TACC3: variants seen among roughly 807,000 people sequenced by gnomAD.
TACC3 encodes the protein transforming acidic coiled-coil-containing protein 3.
A neutral mutation model predicts 86.0 loss-of-function variants in TACC3; 52 were observed. The observed-to-expected ratio is 0.60, with a 90% confidence interval of 0.48 to 0.76. The LOEUF (loss-of-function observed/expected upper bound fraction) is 0.76, where lower values mean the gene tolerates loss of function less well. TACC3 is among the 30% of genes least tolerant of loss of function. The pLI, the probability that TACC3 is intolerant of heterozygous loss-of-function variation, is 0.00. For missense variants in TACC3, 1,120 were observed against 1,070.4 expected, an observed-to-expected ratio of 1.05 and a Z score of -0.65; for synonymous variants, 512 against 430.0, an observed-to-expected ratio of 1.19 and a Z score of -2.36.
intron 1 of TACC3, 99 bp from the exon 2 acceptor site, chr4:1,723,322 G>A: frequency 8.0e-7 from 1 of 1,244,082 alleles, no homozygotes; most frequent in Non-Finnish European, 1.1e-6. Context: ...ACACCTGTGT[G>A]GGAAGTGGTC....
rs1329716251 is a variant in TACC3 at position 1,735,014 on chromosome 4, C to T, written c.1592-259C>T. 6.6e-6 allele frequency among the ~76,000 whole-genome samples: 1 copy of T among 152,258 alleles called. No individual in the cohort carries two copies. The highest frequency in any genetic ancestry group is 2.4e-5 in the African/African-American group (1 of 41,476). The stretch of plus-strand genomic sequence containing the variant: ...GAGCAGTTTTGCCCCCGCCTTTCCC[C>T]AGATGTTTGTGGTTGTCACACCTGG... On this transcript the variant is annotated intron_variant, in intron 6 of 15. Transcript: ENST00000313288. This position sits in a 1 kb window ranked among gnomAD's most constrained non-coding sequence, Gnocchi z 4.2.
Position 1,740,853 on chromosome 4 carries a change from C to T in TACC3, c.2090C>T (p.Ser697Phe), listed in dbSNP as rs200631137. The change falls in exon 13 of 16, where the codon TCC (serine) becomes TTC (phenylalanine). Residue 697 changes from serine (S) to phenylalanine (F), a missense_variant. Ser to Phe is a radical substitution (Grantham distance 155). Transcript: ENST00000313288. Reference sequence around the variant, plus strand: ...GAAGTTCAGAAGCAGAAGGAACTTTCCAAAGCTGAAATCCAGAAAGTTCTA... The same window carrying T: ...GAAGTTCAGAAGCAGAAGGAACTTTTCAAAGCTGAAATCCAGAAAGTTCTA... ...MEEVQKQKEL[S>F]KAEIQKVLKE... is the part of the protein sequence containing the mutation. 59 of 1,610,794 alleles carry T rather than the reference C, an allele frequency of 3.7e-5. No individual in the cohort carries two copies. The highest frequency in any genetic ancestry group is 4.8e-5 in the Non-Finnish European group (57 of 1,179,292).
chr4:1,739,728 G>A lies in TACC3; in HGVS notation c.1968G>A (p.Arg656=). The part of the protein sequence containing the change: ...AVVKATQEEN[R]ELRSRCEELH... ...TAAAGGCGACACAGGAGGAGAACCG[G>A]GAGCTGAGGAGCAGGTGTGAGGAGC... Residue 656 remains arginine (R), a synonymous_variant, in exon 11 of 16, where the codon CGG becomes CGA. Coordinates refer to ENST00000313288, the MANE Select transcript of TACC3 (RefSeq NM_006342.3). 6.3e-7 allele frequency: 1 copy of A among 1,587,334 alleles called. No individual in the cohort carries two copies. Among genetic ancestry groups the A allele is most frequent in the Non-Finnish European group, 8.6e-7 (1 of 1,167,988 alleles).
In TACC3 at chr4:1,739,732, C is replaced by T. The variant is rs1334206545; in HGVS notation, c.1972C>T (p.Leu658=). The change falls in exon 11 of 16, where the codon CTG becomes TTG. Residue 658 remains leucine, a synonymous_variant. Coordinates refer to ENST00000313288, the MANE Select transcript of TACC3 (RefSeq NM_006342.3). ...GGCGACACAGGAGGAGAACCGGGAG[C>T]TGAGGAGCAGGTGTGAGGAGCTCCA... The part of the protein sequence containing the change: ...VKATQEENRE[L]RSRCEELHGK... The T allele has an allele frequency of 2.5e-6, 4 of 1,588,468 alleles. No homozygotes were observed. The highest frequency in any genetic ancestry group is 3.4e-6 in the Non-Finnish European group (4 of 1,168,552).
chr4:1,726,818 C>G, intron 3 of TACC3, among the ~76,000 whole-genome samples: 1 of 151,972 alleles, frequency 6.6e-6, no homozygotes, highest in Admixed American at 6.6e-5. Flanking sequence ...GGCAGGTGCT[C>G]GAATGGATTT....
chr4:1,722,207 A>G (rs1219314656), intron 1 of TACC3, among the ~76,000 whole-genome samples: 1 of 152,032 alleles, frequency 6.6e-6, no homozygotes, highest in Non-Finnish European at 1.5e-5. Flanking sequence ...CCGGGCCTCC[A>G]TAGTCAGTAA....
At chr4:1,732,910 A>G (rs1239559561) in intron 6 of TACC3, among the ~76,000 whole-genome samples, 1 of 152,132 alleles carries the variant, frequency 6.6e-6, no homozygotes, top group Non-Finnish European at 1.5e-5. Context: ...GTTCAGGTGT[A>G]AGTTCTATGT....
At chr4:1,737,015 C>T (rs943668940) in intron 8 of TACC3, among the ~76,000 whole-genome samples, 1 of 152,140 alleles carries the variant, frequency 6.6e-6, no homozygotes. Flanking sequence ...CGTGCTCTCC[C>T]GGAAGGACAA....
At chr4:1,731,060 GA>G in intron 5 of TACC3, 98 bp downstream of exon 5, 2 of 1,595,608 alleles carry the variant, frequency 1.3e-6, no homozygotes, top group East Asian at 4.5e-5. Context: ...GACGGGGTGG[GA>G]TGTCCCGCTC....
intron 6 of TACC3, among the ~76,000 whole-genome samples, chr4:1,731,668 C>T (rs1718015575): frequency 1.3e-5 from 2 of 152,048 alleles, no homozygotes; most frequent in Admixed American, 6.6e-5. Context: ...GATAGTCTCG[C>T]TCTGTCACCC....
rs151225636 is a variant in TACC3 at position 1,737,272 on chromosome 4, C to T, written c.1780C>T (p.Arg594Cys). 3.8e-4 allele frequency: 614 copies of T among 1,614,124 alleles called. 7 individuals carry two copies. In the East Asian group the frequency reaches 0.012, roughly 32 times the overall value. The change falls in exon 9 of 16, where the codon CGT (arginine) becomes TGT (cysteine). Residue 594 changes from arginine to cysteine, a missense_variant. Transcript: ENST00000313288. ...MHGANETPSG[R>C]PREAKLVEFD... ...CGGTGCAAATGAGACTCCCTCAGGA[C>T]GTCCGCGGGAAGCCAAGCTTGTGGA...
upstream of TACC3, chr4:1,721,316 C>G (rs1455560638): frequency 6.9e-6 from 1 of 145,674 alleles, no homozygotes; most frequent in African/African-American, 2.5e-5. Flanking sequence ...GGGGTCTCAG[C>G]TTCAGACACC....
At chr4:1,744,463 G>C in intron 13 of TACC3, 55 bp from the exon 14 acceptor site, 1 of 1,532,914 alleles carries the variant, frequency 6.5e-7, no homozygotes, top group Non-Finnish European at 9.0e-7. Context: ...CACCAAGCCT[G>C]GGTGCTCTCC....
At chr4:1,738,779 A>G (rs1028844771) in intron 10 of TACC3, among the ~76,000 whole-genome samples, 6 of 152,268 alleles carry the variant, frequency 3.9e-5, no homozygotes, top group East Asian at 3.9e-4. Flanking sequence ...CCAATTGGCT[A>G]TTTTAAAGAG....
At position 1,723,883 on chromosome 4, in the gene TACC3, G is replaced by A; in HGVS notation, c.305+13G>A. The A allele has an allele frequency of 1.2e-6, 2 of 1,612,510 alleles. No individual in the cohort carries two copies. The highest frequency in any genetic ancestry group is 1.1e-5 in the South Asian group (1 of 91,042). ...CACAGAAAGAGAAGTAAGTGTTGGT[G>A]CTGCTGGACATGCTGGAGCTTCACC... is the stretch of plus-strand genomic sequence containing the variant. On this transcript the variant is annotated intron_variant, in intron 3 of 15. Transcript: ENST00000313288.
upstream of TACC3, chr4:1,720,701 G>T (rs1164909301): frequency 3.2e-6 from 5 of 1,555,304 alleles, no homozygotes; most frequent in Non-Finnish European, 3.5e-6. The surrounding 1 kb of genome is among the most constrained non-coding windows in gnomAD (Gnocchi z 4.4). Flanking sequence ...CACGAAGGCG[G>T]CGTCCTCGCT....
intron 6 of TACC3, among the ~76,000 whole-genome samples, chr4:1,733,720 G>A (rs958937043): frequency 6.6e-6 from 1 of 152,188 alleles, no homozygotes; most frequent in African/African-American, 2.4e-5. Flanking sequence ...GCTCACGCCC[G>A]TAATCCTAGC....
At chr4:1,739,577 A>G (rs528241847) in intron 10 of TACC3, 125 bp from the exon 11 acceptor site, 1 of 880,296 alleles carries the variant, frequency 1.1e-6, no homozygotes, top group Non-Finnish European at 1.8e-6. Context: ...GAAGCCCCAC[A>G]TGGAACTGTG....
intron 3 of TACC3, among the ~76,000 whole-genome samples, chr4:1,724,307 G>A (rs572558986): frequency 3.6e-4 from 54 of 151,390 alleles, no homozygotes; most frequent in African/African-American, 1.2e-3. Context: ...TCTGCACTGA[G>A]TGTATGCAGC....
Sources: gnomAD v4.1 joint callset for allele counts (sites outside exome capture counted in the v4.1 genomes callset) on GRCh38, gnomAD v4.1.1 for gene constraint, Gnocchi (gnomAD v3.1) non-coding constraint, MANE v1.5 for transcripts, NCBI Gene and HGNC (gene_info 2026-07-23, HGNC 2026-07-21) for gene names.